Variants in C22orf42 observed in about 807,000 individuals in gnomAD.
C22orf42 encodes chromosome 22 open reading frame 42.
A neutral mutation model predicts 31.4 loss-of-function variants in C22orf42; 24 were observed. The observed-to-expected ratio is 0.77, with a 90% confidence interval of 0.55 to 1.08. The LOEUF (loss-of-function observed/expected upper bound fraction) is 1.08, where lower values mean the gene tolerates loss of function less well. C22orf42 is among the 50% of genes least tolerant of loss of function. The probability of loss-of-function intolerance (pLI) is 0.00; values close to 1 mark genes in which losing one functional copy is unlikely to be tolerated. For missense variants in C22orf42, 276 were observed against 327.3 expected, an observed-to-expected ratio of 0.84 and a Z score of 1.21; for synonymous variants, 96 against 112.7, an observed-to-expected ratio of 0.85 and a Z score of 0.94.
intron 1 of C22orf42, among the ~76,000 whole-genome samples, chr22:32,157,091 T>C (rs3986039): frequency 0.23 from 34,491 of 151,358 alleles, 4,034 homozygotes; most frequent in Middle Eastern, 0.29. Flanking sequence ...TAAGGATCGT[T>C]TGCATTTCTT....
Position 32,150,497 on chromosome 22 carries a change from C to T in C22orf42, c.494-18G>A, listed in dbSNP as rs1231819430. 6.2e-7 allele frequency: 1 copy of T among 1,613,892 alleles called. No individual in the cohort carries two copies. Among genetic ancestry groups the T allele is most frequent in the African/African-American group, 1.3e-5 (1 of 75,008 alleles). ...GACCAAATCTAGGAGAACATAGTGA[C>T]AGTCAGTGCATTGGTGCTGCTGAGG... On this transcript the variant is annotated intron_variant, in intron 6 of 8. Transcript: ENST00000382097.
At chr22:32,149,951 A>G in intron 7 of C22orf42, 171 bp from the exon 8 acceptor site, 1 of 539,896 alleles carries the variant, frequency 1.9e-6, no homozygotes, top group Middle Eastern at 4.1e-4. Context: ...ATGGGTTTTC[A>G]TGGAATATTT....
chr22:32,150,558 G>T, intron 6 of C22orf42, 79 bp from the exon 7 acceptor site: 1 of 1,464,912 alleles, frequency 6.8e-7, no homozygotes, highest in Non-Finnish European at 9.6e-7. Flanking sequence ...GTGGACCAGG[G>T]CTGGATCATG....
intron 1 of C22orf42, among the ~76,000 whole-genome samples, chr22:32,156,347 T>C (rs1301981820): frequency 6.6e-6 from 1 of 151,772 alleles, no homozygotes; most frequent in Non-Finnish European, 1.5e-5. Flanking sequence ...ACTTAAAACA[T>C]TGAGAGGATC....
chr22:32,150,709 A>C (rs1246934928), intron 6 of C22orf42: 2 of 624,426 alleles, frequency 3.2e-6, no homozygotes, highest in Non-Finnish European at 5.8e-6. Flanking sequence ...AATGTGAAAT[A>C]GTCACCTTAA....
In C22orf42 at chr22:32,159,195, G is replaced by A; in HGVS notation, c.21C>T (p.Cys7=). The change falls in exon 1 of 9, where the codon TGC becomes TGT. Residue 7 remains cysteine, a synonymous_variant. Transcript: ENST00000382097. MGSKLT[C]CLGPSGGLNC... Reference sequence around the variant, plus strand: ...TGAGGCCCCCGCTGGGGCCCAGGCAGCAAGTCAGTTTGCTCCCCATTGGGC... The same window carrying A: ...TGAGGCCCCCGCTGGGGCCCAGGCAACAAGTCAGTTTGCTCCCCATTGGGC... The A allele has an allele frequency of 6.2e-7, 1 of 1,613,730 alleles. No homozygotes were observed. Among genetic ancestry groups the A allele is most frequent in the Non-Finnish European group, 8.5e-7 (1 of 1,180,034 alleles).
chr22:32,160,117 C>A (rs1030494664), upstream of C22orf42: 2 of 152,096 alleles, frequency 1.3e-5, no homozygotes, highest in African/African-American at 2.4e-5. Context: ...GAAACCATTC[C>A]ATTTTACGGA....
chr22:32,149,565 T>G lies in C22orf42; in HGVS notation c.731A>C (p.Gln244Pro). ...CTAAAGCCGGAGAAGTCCTAGAACC[T>G]GGCTGCTGATGGGTTCATTGAGCCG... ...RSRLNEPISS[Q>P]VLGLLRL is the part of the protein sequence containing the mutation. Residue 244 changes from glutamine (Q) to proline (P), a missense_variant, in exon 9 of 9, where the codon CAG (glutamine) becomes CCG (proline). Physicochemically the swap from Gln to Pro is moderately conservative, Grantham distance 76. Transcript: ENST00000382097. The G allele has an allele frequency of 6.5e-7, 1 of 1,534,038 alleles. No homozygotes were observed. Among genetic ancestry groups the G allele is most frequent in the Non-Finnish European group, 8.8e-7 (1 of 1,135,704 alleles).
chr22:32,158,599 C>G (rs1254991607), intron 1 of C22orf42, among the ~76,000 whole-genome samples: 1 of 152,282 alleles, frequency 6.6e-6, no homozygotes, highest in East Asian at 1.9e-4. Context: ...ATATTTGAGT[C>G]TAAATTATCC....
intron 1 of C22orf42, among the ~76,000 whole-genome samples, chr22:32,157,017 C>G (rs1232838986): frequency 6.6e-6 from 1 of 152,244 alleles, no homozygotes; most frequent in Non-Finnish European, 1.5e-5. Context: ...TGGAATTCCA[C>G]TCAGTAGGAG....
rs370278397 is a variant in C22orf42, at chr22:32,149,482, T to G, written c.*58A>C. 963 of 1,456,502 alleles carry G rather than the reference T, an allele frequency of 6.6e-4. 9 individuals are homozygous for G. In the African/African-American group the frequency reaches 0.012, roughly 19 times the overall value. The allele number at this position is 1,456,502 out of a possible 1,614,324, so 90.2% of individuals were successfully genotyped here. Reference sequence around the variant, plus strand: ...TCACCCAGATGGAAATATGCATTCATAAAATGATTTGAGCTGGGCGTGATG... The same window carrying G: ...TCACCCAGATGGAAATATGCATTCAGAAAATGATTTGAGCTGGGCGTGATG... On this transcript the variant is annotated 3_prime_UTR_variant, in exon 9 of 9. Coordinates refer to ENST00000382097, the MANE Select transcript of C22orf42 (RefSeq NM_001010859.3).
intron 6 of C22orf42, 29 bp from the exon 7 acceptor site, chr22:32,150,508 T>C (rs781344425): frequency 1.2e-5 from 20 of 1,612,698 alleles, no homozygotes; most frequent in Non-Finnish European, 1.7e-5. Flanking sequence ...AGTCAGTGCA[T>C]TGGTGCTGCT....
chr22:32,152,155 G>C, intron 3 of C22orf42, 61 bp from the exon 4 acceptor site: 2 of 1,569,920 alleles, frequency 1.3e-6, no homozygotes. Context: ...GGTTCTGTTG[G>C]CAAAGGCCTT....
intron 1 of C22orf42, among the ~76,000 whole-genome samples, chr22:32,154,885 C>T (rs1921177482): frequency 6.6e-6 from 1 of 152,170 alleles, no homozygotes; most frequent in Admixed American, 6.5e-5. Flanking sequence ...GTGTATGGCT[C>T]CCGGGCAGGG....
In C22orf42 at chr22:32,149,564, C is replaced by G. The variant is rs1603174722; in HGVS notation, c.732G>C (p.Gln244His). The part of the protein sequence containing the change: ...RSRLNEPISS[Q>H]VLGLLRL ...ACTAAAGCCGGAGAAGTCCTAGAAC[C>G]TGGCTGCTGATGGGTTCATTGAGCC... Residue 244 changes from glutamine (Q) to histidine (H), a missense_variant, in exon 9 of 9, where the codon CAG (glutamine) becomes CAC (histidine). Transcript: ENST00000382097. 1 of 1,535,512 alleles carries G rather than the reference C, an allele frequency of 6.5e-7. No individual in the cohort carries two copies. The highest frequency in any genetic ancestry group is 8.8e-7 in the Non-Finnish European group (1 of 1,136,426).
rs754915010 is a variant in C22orf42, at chr22:32,152,565, A to G, written c.369T>C (p.Asp123=). Residue 123 remains aspartate, a synonymous_variant, in exon 3 of 9, where the codon GAT becomes GAC. Coordinates refer to ENST00000382097, the MANE Select transcript of C22orf42 (RefSeq NM_001010859.3). ...HGGVEENMTS[D]IEIPEAKHDH... ...CAGAGAAAGAAATACATCTTACAAT[A>G]TCTGATGTCATATTCTCCTCCACAC... 7 of 1,605,428 alleles carry G rather than the reference A, an allele frequency of 4.4e-6. No individual in the cohort carries two copies. Among genetic ancestry groups the G allele is most frequent in the African/African-American group, 2.7e-5 (2 of 73,898 alleles).
intron 5 of C22orf42, 22 bp from the exon 6 acceptor site, chr22:32,151,041 A>G: frequency 6.2e-7 from 1 of 1,609,834 alleles, no homozygotes. Context: ...GAAAAGAAAA[A>G]GAAACACCAT....
intron 8 of C22orf42, 62 bp from the exon 9 acceptor site, chr22:32,149,675 A>G (rs2094108934): frequency 8.1e-7 from 1 of 1,240,902 alleles, no homozygotes; most frequent in African/African-American, 1.6e-5. Context: ...ATATCTACAT[A>G]TATGTATATC....
intron 1 of C22orf42, among the ~76,000 whole-genome samples, chr22:32,158,110 C>T: frequency 6.6e-6 from 1 of 151,780 alleles, no homozygotes; most frequent in South Asian, 2.1e-4. Flanking sequence ...AAATTTCGGA[C>T]TGCTTTGTAA....
Sources: allele counts gnomAD v4.1 joint callset (sites outside exome capture counted in the v4.1 genomes callset), GRCh38; gene constraint gnomAD v4.1.1; transcripts MANE v1.5; gene names NCBI Gene and HGNC (gene_info 2026-07-23, HGNC 2026-07-21).